RXRG: variants seen among roughly 807,000 people sequenced by gnomAD.
The protein encoded by RXRG is retinoid X receptor gamma.
In RXRG, 19 loss-of-function variants were observed where a neutral mutation model predicts 49.2. The ratio of observed to expected loss-of-function variants is 0.39; its 90% confidence interval spans 0.27 to 0.57. The LOEUF (loss-of-function observed/expected upper bound fraction) is 0.57, where lower values mean the gene tolerates loss of function less well. Ranked by LOEUF, RXRG falls within the 20% of genes least tolerant of loss-of-function variation. The probability of loss-of-function intolerance (pLI) is 0.64; values close to 1 mark genes in which losing one functional copy is unlikely to be tolerated. For synonymous variants in RXRG, 224 were observed against 216.6 expected, an observed-to-expected ratio of 1.03 and a Z score of -0.30; for missense variants, 452 against 592.5, an observed-to-expected ratio of 0.76 and a Z score of 2.46.
chr1:165,440,037 T>C (rs1195723540), intron 1 of RXRG, among the ~76,000 whole-genome samples: 1 of 152,088 alleles, frequency 6.6e-6, no homozygotes, highest in East Asian at 1.9e-4. Context: ...AGAGTCAAGA[T>C]GTGGAGTGTT....
chr1:165,405,908 A>T (rs2101703653), intron 9 of RXRG, among the ~76,000 whole-genome samples: 1 of 152,344 alleles, frequency 6.6e-6, no homozygotes, highest in African/African-American at 2.4e-5. Flanking sequence ...TTGGCTTATG[A>T]TTCAGGATAA....
intron 7 of RXRG, 36 bp downstream of exon 7, chr1:165,409,514 CACACACAT>C: frequency 7.1e-7 from 1 of 1,401,208 alleles, no homozygotes; most frequent in Non-Finnish European, 9.3e-7. Flanking sequence ...CACACACACA[CACACACAT>C]AATACACACA....
intron 2 of RXRG, 72 bp from the exon 3 acceptor site, chr1:165,420,086 G>T: frequency 8.1e-7 from 1 of 1,237,948 alleles, no homozygotes; most frequent in Non-Finnish European, 1.1e-6. Flanking sequence ...AGGCAATGAG[G>T]GCTTACTCAA....
chr1:165,428,663 C>T (rs1571282647), intron 2 of RXRG, 56 bp downstream of exon 2: 2 of 1,533,104 alleles, frequency 1.3e-6, no homozygotes, highest in East Asian at 4.5e-5. Context: ...CCAGGAGCAG[C>T]CTGGGTGAAA....
intron 2 of RXRG, among the ~76,000 whole-genome samples, chr1:165,426,511 A>T (rs1217283689): frequency 1.3e-5 from 2 of 152,160 alleles, no homozygotes; most frequent in Non-Finnish European, 2.9e-5. Flanking sequence ...TACATTTTTG[A>T]AGTCCTTACT....
intron 1 of RXRG, among the ~76,000 whole-genome samples, chr1:165,444,644 C>CA (rs1234819756): frequency 6.6e-6 from 1 of 152,214 alleles, no homozygotes; most frequent in Non-Finnish European, 1.5e-5. Context: ...AACGTATCCT[C>CA]ACCTACAGAC....
intron 2 of RXRG, among the ~76,000 whole-genome samples, chr1:165,427,528 C>T (rs557562751): frequency 5.9e-5 from 9 of 152,260 alleles, no homozygotes; most frequent in African/African-American, 9.6e-5. Context: ...CTGCAACCTC[C>T]GCCTCCCAGG....
intron 2 of RXRG, among the ~76,000 whole-genome samples, chr1:165,423,797 T>A (rs1204596603): frequency 6.6e-6 from 1 of 152,202 alleles, no homozygotes; most frequent in Non-Finnish European, 1.5e-5. Context: ...GGCTTCCAAC[T>A]ATGCTTTCAT....
At chr1:165,423,397 G>A (rs1010010702) in intron 2 of RXRG, among the ~76,000 whole-genome samples, 2 of 152,194 alleles carry the variant, frequency 1.3e-5, no homozygotes, top group African/African-American at 4.8e-5. Flanking sequence ...CCCTTTTGCA[G>A]ACTCAGCCAG....
rs750196871 is a variant in RXRG, at chr1:165,444,850, T to C, written c.44A>G (p.Tyr15Cys). Residue 15 changes from tyrosine to cysteine, a missense_variant, in exon 1 of 10, where the codon TAT becomes TGT. This residue lies in a region of RXRG where 166 missense variants were observed against 151.7 expected (regional missense o/e 1.09). Transcript: ENST00000359842. ...AGCCCAAGGGAGATACTTACCTCCA[T>C]AGCCTGCGGGAAACTTCATGAAGTG... is the stretch of plus-strand genomic sequence containing the variant. ...YSHFMKFPAGYGGSPGHTGST... is the reference protein window; with the variant it reads ...YSHFMKFPAGCGGSPGHTGST... 53 of 1,613,976 alleles carry C rather than the reference T, an allele frequency of 3.3e-5. 1 individual carries two copies. In the South Asian group the frequency reaches 3.4e-4, roughly 10 times the overall value.
chr1:165,407,989 C>T (rs540356121), intron 8 of RXRG, among the ~76,000 whole-genome samples: 2 of 152,300 alleles, frequency 1.3e-5, no homozygotes, highest in East Asian at 1.9e-4. Flanking sequence ...ACCCCCTTCA[C>T]TGCCACCCTG....
At chr1:165,411,627 T>G (rs1397335050) in intron 4 of RXRG, among the ~76,000 whole-genome samples, 1 of 152,172 alleles carries the variant, frequency 6.6e-6, no homozygotes, top group Non-Finnish European at 1.5e-5. Context: ...AGGGAAGATC[T>G]TTAGGGAGCC....
intron 2 of RXRG, among the ~76,000 whole-genome samples, chr1:165,420,351 A>G (rs543937678): frequency 2.3e-4 from 35 of 152,354 alleles, no homozygotes; most frequent in African/African-American, 6.7e-4. Flanking sequence ...TCAACTGTGT[A>G]TTTTAAAATT....
intron 9 of RXRG, among the ~76,000 whole-genome samples, chr1:165,404,008 CT>C (rs1657666059): frequency 6.6e-6 from 1 of 152,224 alleles, no homozygotes; most frequent in Non-Finnish European, 1.5e-5. Context: ...CTTTTGATCT[CT>C]GCTTTCTGAT....
At chr1:165,404,690 A>G (rs1184900473) in intron 9 of RXRG, among the ~76,000 whole-genome samples, 2 of 152,240 alleles carry the variant, frequency 1.3e-5, no homozygotes, top group African/African-American at 4.8e-5. Flanking sequence ...CATAATAGAT[A>G]CACGACAACA....
At chr1:165,429,158 GA>G in intron 1 of RXRG, among the ~76,000 whole-genome samples, 192 bp from the exon 2 acceptor site, 1 of 152,278 alleles carries the variant, frequency 6.6e-6, no homozygotes, top group South Asian at 2.1e-4. Flanking sequence ...ACACAGAGGG[GA>G]GAGGGCCTGC....
At chr1:165,425,871 AGC>A (rs1187799988) in intron 2 of RXRG, among the ~76,000 whole-genome samples, 1 of 152,208 alleles carries the variant, frequency 6.6e-6, no homozygotes, top group Non-Finnish European at 1.5e-5. Context: ...ATTACCCGGG[AGC>A]ACTGATTATC....
chr1:165,408,451 A>G (rs1657828674), intron 7 of RXRG, 133 bp from the exon 8 acceptor site: 1 of 654,604 alleles, frequency 1.5e-6, no homozygotes. Context: ...GGGGTACAGA[A>G]ATGAAAAAGA....
chr1:165,414,598 T>A (rs1196724348), intron 4 of RXRG, among the ~76,000 whole-genome samples: 1 of 152,194 alleles, frequency 6.6e-6, no homozygotes, highest in African/African-American at 2.4e-5. Context: ...TTATCTCAAG[T>A]GTTTTAGGAG....
Sources: allele counts gnomAD v4.1 joint callset (sites outside exome capture counted in the v4.1 genomes callset), GRCh38; gene constraint gnomAD v4.1.1; regional missense constraint gnomAD v4.1.1; transcripts MANE v1.5; gene names NCBI Gene and HGNC (gene_info 2026-07-23, HGNC 2026-07-21).